The following SLC47A1 variants were observed in gnomAD, a reference collection of about 807,000 sequenced individuals.
SLC47A1 encodes the protein solute carrier family 47 member 1.
A neutral mutation model predicts 65.8 loss-of-function variants in SLC47A1; 58 were observed. That is an observed-to-expected ratio of 0.88 (90% CI 0.71 to 1.10). SLC47A1 has a LOEUF of 1.10. Ranked by LOEUF, SLC47A1 falls within the 50% of genes least tolerant of loss-of-function variation. The pLI, the probability that SLC47A1 is intolerant of heterozygous loss-of-function variation, is 0.00. For synonymous variants in SLC47A1, 285 were observed against 295.0 expected (o/e 0.97, Z 0.35); for missense variants, 706 against 719.2 (o/e 0.98, Z 0.21).
rs747199363 is a variant in SLC47A1, at chr17:19,542,437, C to G, written c.180C>G (p.Ser60=). Residue 60 remains serine, a synonymous_variant, in exon 2 of 17, where the codon TCC becomes TCG. Coordinates refer to ENST00000270570, the MANE Select transcript of SLC47A1 (RefSeq NM_018242.3). The part of the protein sequence containing the change: ...LMVFLISFIS[S]VFCGHLGKLE... ...TGTTCCTGATCAGCTTCATAAGCTC[C>G]GTGTTCTGTGGCCACCTGGGCAAGC... 6.2e-7 allele frequency: 1 copy of G among 1,612,202 alleles called. No homozygotes were observed. Among genetic ancestry groups the G allele is most frequent in the Non-Finnish European group, 8.5e-7 (1 of 1,179,308 alleles).
At chr17:19,549,387 CG>C (rs1916381428) in intron 4 of SLC47A1, among the ~76,000 whole-genome samples, 1 of 152,026 alleles carries the variant, frequency 6.6e-6, no homozygotes, top group Admixed American at 6.6e-5. Context: ...TTAGTAGAGA[CG>C]GGGTTTTACT....
At chr17:19,546,335 T>C in intron 2 of SLC47A1, 100 bp from the exon 3 acceptor site, 1 of 1,203,030 alleles carries the variant, frequency 8.3e-7, no homozygotes, top group Non-Finnish European at 1.2e-6. Flanking sequence ...TTGTGAATGC[T>C]GAAGGAGGAG....
chr17:19,567,705 C>T (rs1226999779), intron 14 of SLC47A1: 7 of 170,620 alleles, frequency 4.1e-5, no homozygotes, highest in Non-Finnish European at 2.5e-5. Flanking sequence ...CTCACGGTGG[C>T]ACTCTGCATC....
chr17:19,571,663 T>G, intron 15 of SLC47A1, 91 bp downstream of exon 15: 1 of 935,746 alleles, frequency 1.1e-6, no homozygotes, highest in Non-Finnish European at 1.6e-6. Flanking sequence ...GGAAAGTTCT[T>G]TTCTCATTTT....
chr17:19,576,922 T>C (rs2084445003), intron 16 of SLC47A1, among the ~76,000 whole-genome samples: 1 of 152,116 alleles, frequency 6.6e-6, no homozygotes, highest in South Asian at 2.1e-4. Flanking sequence ...TAATTTTGTA[T>C]TTTTAGTAGA....
At chr17:19,575,774 G>T (rs2084434995) in intron 16 of SLC47A1, among the ~76,000 whole-genome samples, 1 of 152,070 alleles carries the variant, frequency 6.6e-6, no homozygotes, top group African/African-American at 2.4e-5. Context: ...AACTGTTGGG[G>T]TGAAGGAGAA....
intron 13 of SLC47A1, 22 bp downstream of exon 13, chr17:19,566,881 C>G: frequency 6.2e-7 from 1 of 1,613,150 alleles, no homozygotes. Context: ...GTAGTAGTCC[C>G]CTAAGCACTG....
chr17:19,539,109 A>G lies in SLC47A1; in HGVS notation c.136-3284A>G, dbSNP rs139979888. ...TTTCTGTAGAGACGGGGTCTCTACAAAATGTTGCCTGGGCTGGTCTTGAAC... is the reference window on the plus strand; with the variant it reads ...TTTCTGTAGAGACGGGGTCTCTACAGAATGTTGCCTGGGCTGGTCTTGAAC... On this transcript the variant is annotated intron_variant, in intron 1 of 16. Coordinates refer to ENST00000270570, the MANE Select transcript of SLC47A1 (RefSeq NM_018242.3). 8.7e-3 allele frequency among the ~76,000 whole-genome samples: 1,330 copies of G among 152,116 alleles called. 10 individuals are homozygous for G. Among genetic ancestry groups the G allele is most frequent in the Middle Eastern group, 0.017 (5 of 294 alleles).
intron 5 of SLC47A1, 106 bp downstream of exon 5, chr17:19,549,783 T>C: frequency 8.0e-7 from 1 of 1,243,646 alleles, no homozygotes. Context: ...ATGATTCTTA[T>C]CTGTGGTGTT....
chr17:19,535,125 C>T (rs977194181), intron 1 of SLC47A1: 1 of 152,378 alleles, frequency 6.6e-6, no homozygotes, highest in Admixed American at 6.5e-5. Context: ...CATGCTTTCT[C>T]ACAGACCAGA....
In SLC47A1 at chr17:19,578,903, G is replaced by A. The variant is rs1054164663; in HGVS notation, c.*1350G>A. On this transcript the variant is annotated 3_prime_UTR_variant, in exon 17 of 17. Transcript: ENST00000270570. ...TGGTGCCAATAAACTTTCTCAAAGA[G>A]CAATACTGACATTTCTTTTGATAAA... 6.6e-6 allele frequency: 1 copy of A among 152,206 alleles called. No homozygotes were observed. Among genetic ancestry groups the A allele is most frequent in the Non-Finnish European group, 1.5e-5 (1 of 68,040 alleles). 9.4% of individuals were successfully genotyped at this position (152,206 alleles called of 1,614,324 possible). A position where few individuals can be genotyped will look rare whatever the true frequency, so the allele number is the denominator to read the frequency against.
At chr17:19,548,574 G>C (rs1233254241) in intron 4 of SLC47A1, among the ~76,000 whole-genome samples, 1 of 147,984 alleles carries the variant, frequency 6.8e-6, no homozygotes, top group African/African-American at 2.5e-5. Context: ...ATCTTGGCTC[G>C]CTGCAACCTC....
intron 14 of SLC47A1, among the ~76,000 whole-genome samples, chr17:19,569,323 A>G (rs921256935): frequency 2.6e-5 from 4 of 151,970 alleles, no homozygotes; most frequent in African/African-American, 9.7e-5. Flanking sequence ...AGTGAGCAAG[A>G]TGGCACCACT....
In SLC47A1 at chr17:19,534,031, T is replaced by C; in HGVS notation, c.92T>C (p.Phe31Ser). The change falls in exon 1 of 17, where the codon TTC becomes TCC. Residue 31 changes from phenylalanine to serine, a missense_variant. Physicochemically the swap from Phe to Ser is radical, Grantham distance 155 (BLOSUM62 -2). Coordinates refer to ENST00000270570, the MANE Select transcript of SLC47A1 (RefSeq NM_018242.3). Reference protein sequence around the residue: ...RGSRCLRLSAFREELRALLVL... With the variant: ...RGSRCLRLSASREELRALLVL... ...TCGCGCTGCTTGCGGCTGTCCGCCT[T>C]CCGAGAAGAGCTGCGGGCGCTCTTG... The C allele has an allele frequency of 6.5e-7, 1 of 1,547,704 alleles. No homozygotes were observed. The highest frequency in any genetic ancestry group is 1.4e-5 in the African/African-American group (1 of 72,260).
chr17:19,553,130 G>C lies in SLC47A1; in HGVS notation c.543+1662G>C, dbSNP rs544726687. Reference sequence around the variant, plus strand: ...GGAAGACAGGGCAACCATTAGCTGAGTGTAGAACCAAAGAGAAGCAGCTGG... The same window carrying C: ...GGAAGACAGGGCAACCATTAGCTGACTGTAGAACCAAAGAGAAGCAGCTGG... On this transcript the variant is annotated intron_variant, in intron 6 of 16. Transcript: ENST00000270570. Among the ~76,000 whole-genome samples the C allele has an allele frequency of 5.3e-5, 8 of 152,212 alleles. No homozygotes were observed. In the East Asian group the frequency reaches 1.6e-3, roughly 30 times the overall value.
chr17:19,536,107 G>A (rs1401059793), intron 1 of SLC47A1, among the ~76,000 whole-genome samples: 1 of 151,948 alleles, frequency 6.6e-6, no homozygotes, highest in African/African-American at 2.4e-5. Flanking sequence ...GCTAATTTTT[G>A]TATTTTGGGT....
At chr17:19,559,219 G>C (rs184759672) in intron 10 of SLC47A1, among the ~76,000 whole-genome samples, 1 of 152,312 alleles carries the variant, frequency 6.6e-6, no homozygotes. Flanking sequence ...GGGTGATGCA[G>C]CTGATAAAGT....
intron 12 of SLC47A1, among the ~76,000 whole-genome samples, chr17:19,565,443 G>A (rs186717913): frequency 6.6e-6 from 1 of 152,110 alleles, no homozygotes; most frequent in African/African-American, 2.4e-5. Flanking sequence ...TCAGCTGATG[G>A]GGAACGGGGG....
At chr17:19,555,004 A>G (rs1916561836) in intron 6 of SLC47A1, among the ~76,000 whole-genome samples, 1 of 151,990 alleles carries the variant, frequency 6.6e-6, no homozygotes, top group Non-Finnish European at 1.5e-5. Flanking sequence ...AGAACTCCGC[A>G]CTTTATACCT....
Sources: gnomAD v4.1 joint callset for allele counts (sites outside exome capture counted in the v4.1 genomes callset) on GRCh38, gnomAD v4.1.1 for gene constraint, MANE v1.5 for transcripts, NCBI Gene and HGNC (gene_info 2026-07-23, HGNC 2026-07-21) for gene names.